Variants in OPRM1 observed in about 807,000 individuals in gnomAD.
OPRM1 encodes the protein opioid receptor mu 1.
Under a neutral mutation model 31.8 loss-of-function variants are expected in OPRM1, and 27 were observed. That is an observed-to-expected ratio of 0.85 (90% CI 0.63 to 1.17). OPRM1 has a LOEUF of 1.17. Ranked by LOEUF, OPRM1 falls within the 50% of genes most tolerant of loss-of-function variation. The probability of loss-of-function intolerance (pLI) is 0.00; values close to 1 mark genes in which losing one functional copy is unlikely to be tolerated. For missense variants in OPRM1, 536 were observed against 511.1 expected (o/e 1.05, Z -0.47); for synonymous variants, 196 against 189.9 (o/e 1.03, Z -0.26).
chr6:154,146,102 G>T (rs1215237640), intron 3 of OPRM1, among the ~76,000 whole-genome samples: 1 of 152,194 alleles, frequency 6.6e-6, no homozygotes, highest in Admixed American at 6.5e-5. Context: ...AGATATTTAA[G>T]TAAAGAAAGA....
At chr6:154,177,568 G>T (rs1304070989) in intron 3 of OPRM1, among the ~76,000 whole-genome samples, 1 of 152,156 alleles carries the variant, frequency 6.6e-6, no homozygotes, top group East Asian at 1.9e-4. Flanking sequence ...TCAGAGAAAT[G>T]CAAATCAAAA....
chr6:154,122,541 C>T lies in OPRM1; in HGVS notation c.*3820C>T. 6.6e-6 allele frequency among the ~76,000 whole-genome samples: 1 copy of T among 152,136 alleles called. No homozygotes were observed. The highest frequency in any genetic ancestry group is 1.5e-5 in the Non-Finnish European group (1 of 68,016). ...TAAATTAATGAGTCCAACTCTGGGG[C>T]ATCCATTTAAGAGCCATTTAATCCA... On this transcript the variant is annotated 3_prime_UTR_variant, in exon 4 of 4. Coordinates refer to ENST00000330432, the MANE Select transcript of OPRM1 (RefSeq NM_000914.5).
intron 1 of OPRM1, among the ~76,000 whole-genome samples, chr6:154,015,161 T>A (rs1223979778): frequency 2.6e-5 from 4 of 152,086 alleles, no homozygotes; most frequent in African/African-American, 9.7e-5. Flanking sequence ...GTTTTTCTTT[T>A]CTAGAGCTTG....
At chr6:154,071,463 A>G (rs1000828470) in intron 1 of OPRM1, among the ~76,000 whole-genome samples, 2 of 152,144 alleles carry the variant, frequency 1.3e-5, no homozygotes, top group Non-Finnish European at 2.9e-5. Flanking sequence ...CAGCTTGCTC[A>G]TCATGAAGCC....
rs1779650291 is a variant in OPRM1, at chr6:154,039,735, G to A, written c.191G>A (p.Ser64Asn). ...GRDSLCPPTGSPSMITAITIM... is the reference protein window; with the variant it reads ...GRDSLCPPTGNPSMITAITIM... ...GACAGCCTGTGCCCTCCGACCGGCA[G>A]TCCCTCCATGATCACGGCCATCACG... is the stretch of plus-strand genomic sequence containing the variant. The change falls in exon 1 of 4, where the codon AGT (serine) becomes AAT (asparagine). Residue 64 changes from serine to asparagine, a missense_variant. Physicochemically the swap from Ser to Asn is conservative, Grantham distance 46. Coordinates refer to ENST00000330432, the MANE Select transcript of OPRM1 (RefSeq NM_000914.5). 1 of 1,609,858 alleles carries A rather than the reference G, an allele frequency of 6.2e-7. No individual in the cohort carries two copies. The highest frequency in any genetic ancestry group is 8.5e-7 in the Non-Finnish European group (1 of 1,180,012).
At chr6:154,134,701 T>C (rs548883757), downstream of OPRM1, among the ~76,000 whole-genome samples, 7 of 152,270 alleles carry the variant, frequency 4.6e-5, no homozygotes, top group South Asian at 8.3e-4. Context: ...CTGACTCAGA[T>C]AGAAGGAGCG....
At position 154,180,991 on chromosome 6, in the gene OPRM1, T is replaced by C. The variant is rs373804968; in HGVS notation, c.1165-65702T>C. On this transcript the variant is annotated intron_variant, in intron 3 of 3. Transcript: ENST00000337049. ...GTCACCAAGAGAAGAAAAAACTATA[T>C]AGTCATTTGGGTATTTTGCATACCC... is the stretch of plus-strand genomic sequence containing the variant. Among the ~76,000 whole-genome samples the C allele has an allele frequency of 2.0e-3, 298 of 152,196 alleles. 2 individuals are homozygous for C. The highest frequency in any genetic ancestry group is 3.5e-3 in the Non-Finnish European group (241 of 68,004).
intron 1 of OPRM1, among the ~76,000 whole-genome samples, chr6:154,040,053 A>G (rs1180308503): frequency 6.6e-6 from 1 of 152,130 alleles, no homozygotes; most frequent in Non-Finnish European, 1.5e-5. Context: ...TCAAAATTTC[A>G]GGAGCAGAGA....
At chr6:154,094,506 C>T (rs1350770225) in intron 3 of OPRM1, among the ~76,000 whole-genome samples, 3 of 152,186 alleles carry the variant, frequency 2.0e-5, no homozygotes, top group Admixed American at 6.5e-5. Flanking sequence ...TTGGCTGGAC[C>T]GTTCTTCCAG....
At chr6:154,103,932 G>A (rs1795221726) in intron 3 of OPRM1, among the ~76,000 whole-genome samples, 1 of 152,142 alleles carries the variant, frequency 6.6e-6, no homozygotes, top group Non-Finnish European at 1.5e-5. Context: ...CTGTGACTTA[G>A]AATCCCTTCA....
chr6:154,082,424 AAAAT>A (rs1789380873), intron 1 of OPRM1, among the ~76,000 whole-genome samples: 1 of 152,206 alleles, frequency 6.6e-6, no homozygotes, highest in African/African-American at 2.4e-5. Context: ...AGCGCAGTAA[AAAAT>A]AATTTTACTA....
intron 3 of OPRM1, chr6:154,108,776 A>C: frequency 1.0e-6 from 1 of 985,366 alleles, no homozygotes. Context: ...ATAAACTTTT[A>C]ATTGACTCCC....
intron 3 of OPRM1, chr6:154,214,451 T>C: frequency 1.6e-6 from 1 of 629,828 alleles, no homozygotes; most frequent in Admixed American, 2.7e-5. Flanking sequence ...CACAATACTT[T>C]CCATACTCAA....
intron 3 of OPRM1, among the ~76,000 whole-genome samples, chr6:154,219,557 C>T (rs183275593): frequency 2.0e-5 from 3 of 152,138 alleles, no homozygotes; most frequent in East Asian, 3.9e-4. Flanking sequence ...CAAGTGCTAG[C>T]GGGCGAGACC....
chr6:154,160,043 G>A (rs747698498), intron 3 of OPRM1: 1 of 1,603,692 alleles, frequency 6.2e-7, no homozygotes, highest in South Asian at 1.1e-5. Context: ...TCTTTACACT[G>A]TGTGAGTAGA....
chr6:154,242,064 T>G (rs1780642186), intron 3 of OPRM1, among the ~76,000 whole-genome samples: 1 of 152,238 alleles, frequency 6.6e-6, no homozygotes. Flanking sequence ...ATGGGAATAA[T>G]AAAATCTATC....
chr6:154,161,492 C>T (rs1338069092), intron 3 of OPRM1, among the ~76,000 whole-genome samples: 2 of 152,120 alleles, frequency 1.3e-5, no homozygotes, highest in African/African-American at 2.4e-5. Flanking sequence ...GGATTACAGG[C>T]GTGAGCCACT....
At chr6:154,185,889 G>A (rs182734451) in intron 3 of OPRM1, among the ~76,000 whole-genome samples, 7 of 152,272 alleles carry the variant, frequency 4.6e-5, no homozygotes, top group African/African-American at 1.7e-4. Flanking sequence ...GTTTAATCTT[G>A]GCTTTTTGCT....
At position 154,039,463 on chromosome 6, in the gene OPRM1, A is replaced by G. The variant is rs758467460; in HGVS notation, c.-82A>G. The G allele has an allele frequency of 1.3e-6, 2 of 1,553,268 alleles. No individual in the cohort carries two copies. The highest frequency in any genetic ancestry group is 1.7e-6 in the Non-Finnish European group (2 of 1,147,898). ...AGGAGCTGTGGCAGCGGCGAAAGGAAGCGGCTGAGGCGCTTGGAACCCGAA... is the reference window on the plus strand; with the variant it reads ...AGGAGCTGTGGCAGCGGCGAAAGGAGGCGGCTGAGGCGCTTGGAACCCGAA... On this transcript the variant is annotated 5_prime_UTR_variant, in exon 1 of 4. Transcript: ENST00000330432.
Sources: allele counts gnomAD v4.1 joint callset (sites outside exome capture counted in the v4.1 genomes callset), GRCh38; gene constraint gnomAD v4.1.1; transcripts MANE v1.5; gene names NCBI Gene and HGNC (gene_info 2026-07-23, HGNC 2026-07-21).